The following NALF1 variants were observed in gnomAD, a reference collection of about 807,000 sequenced individuals.
NALF1 encodes the protein NALCN channel auxiliary factor 1, also known as family with sequence similarity 155 member A.
NALF1 carries 3 observed loss-of-function variants against 48.4 expected under a neutral mutation model. The ratio of observed to expected loss-of-function variants is 0.06; its 90% CI spans 0.03 to 0.16. The LOEUF is 0.16. Ranked by LOEUF, NALF1 falls within the 10% of genes least tolerant of loss-of-function variation. The probability of loss-of-function intolerance (pLI) is 1.00; values close to 1 mark genes in which losing one functional copy is unlikely to be tolerated. For synonymous variants in NALF1, 262 were observed against 245.7 expected (o/e 1.07, Z -0.62); for missense variants, 526 against 571.5 (o/e 0.92, Z 0.81).
intron 1 of NALF1, among the ~76,000 whole-genome samples, chr13:107,282,968 A>G (rs965964632): frequency 3.3e-5 from 5 of 152,242 alleles, no homozygotes; most frequent in African/African-American, 1.2e-4. Context: ...ATTAAAAGTT[A>G]TACTCGTCAG....
chr13:107,194,908 A>T (rs921731291), intron 2 of NALF1, among the ~76,000 whole-genome samples: 7 of 152,214 alleles, frequency 4.6e-5, no homozygotes, highest in African/African-American at 1.7e-4. Context: ...TGGGCTAAGG[A>T]CATGAATAGA....
rs146032129 is a variant in NALF1, at chr13:107,493,749, C to T, written c.916-282994G>A. ...AACAAACAAACAAAAAATAGCAATG[C>T]GTGGTGGTGCATACCTGCAGTTCCA... is the stretch of plus-strand genomic sequence containing the variant. On this transcript the variant is annotated intron_variant, in intron 1 of 2. Coordinates refer to ENST00000375915, the MANE Select transcript of NALF1 (RefSeq NM_001080396.3). 1.7e-4 allele frequency among the ~76,000 whole-genome samples: 26 copies of T among 152,116 alleles called. No individual in the cohort carries two copies. In the East Asian group the frequency reaches 3.5e-3, roughly 20 times the overall value.
At chr13:107,645,705 A>G (rs975199521) in intron 1 of NALF1, among the ~76,000 whole-genome samples, 2 of 131,232 alleles carry the variant, frequency 1.5e-5, no homozygotes, top group Non-Finnish European at 3.3e-5. Flanking sequence ...AAAAAAAAAA[A>G]TCCCTGTTTT....
chr13:107,262,117 T>A (rs147155796), intron 1 of NALF1, among the ~76,000 whole-genome samples: 253 of 152,288 alleles, frequency 1.7e-3, no homozygotes, highest in Non-Finnish European at 2.8e-3. Flanking sequence ...CAAGCTATCA[T>A]GAACAGCATA....
intron 1 of NALF1, among the ~76,000 whole-genome samples, chr13:107,392,686 T>C (rs1883647324): frequency 6.6e-6 from 1 of 152,088 alleles, no homozygotes; most frequent in Non-Finnish European, 1.5e-5. Context: ...AGCATGTGTG[T>C]GTGTGTGCGC....
intron 1 of NALF1, among the ~76,000 whole-genome samples, chr13:107,629,136 G>A (rs1879762253): frequency 6.6e-6 from 1 of 152,066 alleles, no homozygotes; most frequent in South Asian, 2.1e-4. Context: ...AAAATTTCTG[G>A]ACATATAATT....
At chr13:107,337,712 T>G (rs549826672) in intron 1 of NALF1, among the ~76,000 whole-genome samples, 3 of 152,266 alleles carry the variant, frequency 2.0e-5, no homozygotes, top group Admixed American at 6.5e-5. Flanking sequence ...TTAAGAAAAG[T>G]ATCCAGGGAT....
intron 1 of NALF1, among the ~76,000 whole-genome samples, chr13:107,380,971 C>G (rs1476714289): frequency 7.8e-6 from 1 of 127,792 alleles, no homozygotes; most frequent in African/African-American, 3.0e-5. Context: ...GAGCCAGACA[C>G]GGTCTCAAAA....
At chr13:107,749,930 C>G (rs1055397432) in intron 1 of NALF1, among the ~76,000 whole-genome samples, 1 of 151,980 alleles carries the variant, frequency 6.6e-6, no homozygotes. Flanking sequence ...AGCGATTCTC[C>G]TGCCTCAGCC....
intron 1 of NALF1, among the ~76,000 whole-genome samples, chr13:107,441,221 A>G (rs1302849297): frequency 1.3e-5 from 2 of 152,204 alleles, no homozygotes; most frequent in Non-Finnish European, 2.9e-5. Context: ...AGATTGATAT[A>G]TTTCACTGTT....
At chr13:107,802,671 T>C (rs1318028852) in intron 1 of NALF1, among the ~76,000 whole-genome samples, 1 of 151,534 alleles carries the variant, frequency 6.6e-6, no homozygotes, top group Non-Finnish European at 1.5e-5. Context: ...CATGTTTTTT[T>C]ATATATCAGT....
In NALF1 at chr13:107,675,534, T is replaced by C. The variant is rs79978288; in HGVS notation, c.915+190148A>G. On this transcript the variant is annotated intron_variant, in intron 1 of 2. Coordinates refer to ENST00000375915, the MANE Select transcript of NALF1 (RefSeq NM_001080396.3). ...TTCTTGAATCGCTAGAATTTGAAAATGTATCTTCAATCATATTGAAGTCCT... is the reference window on the plus strand; with the variant it reads ...TTCTTGAATCGCTAGAATTTGAAAACGTATCTTCAATCATATTGAAGTCCT... 8.3e-3 allele frequency among the ~76,000 whole-genome samples: 1,269 copies of C among 152,322 alleles called. 22 individuals carry two copies. The highest frequency in any genetic ancestry group is 0.029 in the African/African-American group (1,217 of 41,570).
intron 1 of NALF1, among the ~76,000 whole-genome samples, chr13:107,689,480 T>C (rs1353020373): frequency 6.6e-6 from 1 of 152,182 alleles, no homozygotes; most frequent in Non-Finnish European, 1.5e-5. Context: ...TGGTAATAAA[T>C]TGACACTGTA....
At chr13:107,603,797 C>T (rs1257257447) in intron 1 of NALF1, among the ~76,000 whole-genome samples, 1 of 152,142 alleles carries the variant, frequency 6.6e-6, no homozygotes, top group African/African-American at 2.4e-5. Context: ...CTGGTGAATA[C>T]ACTTATCTGT....
chr13:107,843,397 C>G (rs868091793), intron 1 of NALF1, among the ~76,000 whole-genome samples: 1 of 152,124 alleles, frequency 6.6e-6, no homozygotes, highest in Non-Finnish European at 1.5e-5. Flanking sequence ...AGAGAATCAT[C>G]CACATTCTCT....
chr13:107,615,073 C>T (rs1039631426), intron 1 of NALF1, among the ~76,000 whole-genome samples: 2 of 152,018 alleles, frequency 1.3e-5, no homozygotes, highest in Non-Finnish European at 2.9e-5. Flanking sequence ...CACTGTGCCT[C>T]GCACATCCTG....
At chr13:107,829,188 G>A (rs140420258) in intron 1 of NALF1, among the ~76,000 whole-genome samples, 1 of 152,308 alleles carries the variant, frequency 6.6e-6, no homozygotes, top group African/African-American at 2.4e-5. Context: ...AAAGCACTTT[G>A]GAGGATGTGA....
chr13:107,853,002 T>C (rs1212591183), intron 1 of NALF1, among the ~76,000 whole-genome samples: 1 of 152,056 alleles, frequency 6.6e-6, no homozygotes, highest in Non-Finnish European at 1.5e-5. Flanking sequence ...ACTATTAAGA[T>C]GAATTAATTA....
intron 1 of NALF1, among the ~76,000 whole-genome samples, chr13:107,296,084 C>A (rs527258219): frequency 2.0e-5 from 3 of 152,128 alleles, no homozygotes; most frequent in Non-Finnish European, 4.4e-5. Flanking sequence ...GCACTATTTC[C>A]AATTTCACAT....
Sources: gnomAD v4.1 joint callset for allele counts (sites outside exome capture counted in the v4.1 genomes callset) on GRCh38, gnomAD v4.1.1 for gene constraint, MANE v1.5 for transcripts, NCBI Gene and HGNC (gene_info 2026-07-23, HGNC 2026-07-21) for gene names.